The following CSMD1 variants were observed in gnomAD, a reference collection of about 807,000 sequenced individuals.
CSMD1 encodes the protein CUB and Sushi multiple domains 1.
A neutral mutation model predicts 417.5 loss-of-function variants in CSMD1; 213 were observed. The ratio of observed to expected loss-of-function variants is 0.51; its 90% CI spans 0.46 to 0.57. CSMD1 has a LOEUF of 0.57. Ranked by LOEUF, CSMD1 falls within the 20% of genes least tolerant of loss-of-function variation. CSMD1 has a pLI of 0.00. For synonymous variants in CSMD1, 2,862 were observed against 1,736.8 expected, an observed-to-expected ratio of 1.65 and a Z score of -16.11; for missense variants, 6,923 against 4,529.7, an observed-to-expected ratio of 1.53 and a Z score of -15.17.
intron 40 of CSMD1, among the ~76,000 whole-genome samples, chr8:3,149,946 G>A (rs1038309188): frequency 1.3e-5 from 2 of 152,118 alleles, no homozygotes; most frequent in Non-Finnish European, 2.9e-5. Flanking sequence ...CCTTAAGAGC[G>A]CTAGTGCTGT....
chr8:3,948,040 T>C (rs1393112213), intron 5 of CSMD1, among the ~76,000 whole-genome samples: 1 of 152,112 alleles, frequency 6.6e-6, no homozygotes. Context: ...ACCCCGTCTC[T>C]ACTAAAAATA....
chr8:3,571,408 T>C (rs912452602), intron 10 of CSMD1, among the ~76,000 whole-genome samples: 2 of 152,114 alleles, frequency 1.3e-5, no homozygotes, highest in Admixed American at 1.3e-4. Flanking sequence ...GGAGAACATA[T>C]ATTGTTCTGA....
intron 3 of CSMD1, among the ~76,000 whole-genome samples, chr8:4,093,965 A>AATAGATAGATACATAGATAGATAG (rs1554445798): frequency 1.5e-5 from 2 of 136,864 alleles, no homozygotes; most frequent in Non-Finnish European, 3.2e-5. Flanking sequence ...CTACATCTCA[A>AATAGATAGATACATAGATAGATAG]ATAGATAGAT....
At chr8:3,827,154 G>A (rs1364756038) in intron 5 of CSMD1, among the ~76,000 whole-genome samples, 1 of 152,088 alleles carries the variant, frequency 6.6e-6, no homozygotes, top group South Asian at 2.1e-4. Context: ...ACACAGTTTA[G>A]AACCTTAATG....
chr8:3,664,544 G>C (rs1055719856), intron 7 of CSMD1, among the ~76,000 whole-genome samples: 6 of 152,188 alleles, frequency 3.9e-5, no homozygotes, highest in Non-Finnish European at 5.9e-5. Flanking sequence ...TCAAGAGCGT[G>C]AGTGTTTCCT....
At chr8:4,984,700 C>A (rs1468933994) in intron 1 of CSMD1, among the ~76,000 whole-genome samples, 2 of 152,130 alleles carry the variant, frequency 1.3e-5, no homozygotes, top group African/African-American at 2.4e-5. Context: ...CTTGACTGGG[C>A]ACAAAGCACA....
intron 2 of CSMD1, among the ~76,000 whole-genome samples, chr8:4,440,101 A>C (rs1049234626): frequency 2.0e-5 from 3 of 152,186 alleles, no homozygotes; most frequent in Admixed American, 6.5e-5. Context: ...GATATTGGAA[A>C]AGAGGAACTC....
chr8:3,453,466 T>G (rs1815888039), intron 12 of CSMD1, among the ~76,000 whole-genome samples: 1 of 152,210 alleles, frequency 6.6e-6, no homozygotes, highest in Non-Finnish European at 1.5e-5. Flanking sequence ...TAAATTTCCC[T>G]CTACACACTG....
At chr8:4,146,655 A>G (rs999584501) in intron 3 of CSMD1, among the ~76,000 whole-genome samples, 3 of 108,440 alleles carry the variant, frequency 2.8e-5, no homozygotes, top group African/African-American at 3.8e-5. Flanking sequence ...TCCGTCCCCC[A>G]GGCTGGAGCG....
rs1444736506 is a variant in CSMD1 at position 4,662,022 on chromosome 8, C to G, written c.86-24464G>C. On this transcript the variant is annotated intron_variant, in intron 1 of 69. Coordinates refer to ENST00000635120, the MANE Select transcript of CSMD1 (RefSeq NM_033225.6). ...AGCAATGTTTGATGAACAATTATATCATGGACATACACAGGTCAATGATGT... is the reference window on the plus strand; with the variant it reads ...AGCAATGTTTGATGAACAATTATATGATGGACATACACAGGTCAATGATGT... 2.6e-5 allele frequency among the ~76,000 whole-genome samples: 4 copies of G among 152,040 alleles called. No homozygotes were observed. In the East Asian group the frequency reaches 7.7e-4, roughly 29 times the overall value.
rs1015596029 is a variant in CSMD1 at position 4,288,472 on chromosome 8, G to A, written c.415+131481C>T. 3.9e-5 allele frequency among the ~76,000 whole-genome samples: 6 copies of A among 152,164 alleles called. No homozygotes were observed. In the South Asian group the frequency reaches 6.2e-4, roughly 16 times the overall value. The stretch of plus-strand genomic sequence containing the variant: ...TAGCCATTTCTCCTGTACTGCTGAC[G>A]ATGAGGCTATGGGTAATCCCACTCT... On this transcript the variant is annotated intron_variant, in intron 3 of 69. Transcript: ENST00000635120.
At chr8:2,971,919 G>C (rs751953678) in intron 57 of CSMD1, among the ~76,000 whole-genome samples, 1 of 152,018 alleles carries the variant, frequency 6.6e-6, no homozygotes, top group Non-Finnish European at 1.5e-5. Flanking sequence ...GCAATTCAGA[G>C]TAAAAAATTA....
At chr8:3,827,959 C>T (rs964867270) in intron 5 of CSMD1, among the ~76,000 whole-genome samples, 3 of 152,150 alleles carry the variant, frequency 2.0e-5, no homozygotes, top group African/African-American at 4.8e-5. Context: ...CCTGACATTG[C>T]TAACCAAATA....
At chr8:3,115,107 G>A (rs1463905022) in intron 42 of CSMD1, among the ~76,000 whole-genome samples, 1 of 150,926 alleles carries the variant, frequency 6.6e-6, no homozygotes, top group Non-Finnish European at 1.5e-5. Flanking sequence ...AACTATATTT[G>A]TAAGTGTGAA....
intron 3 of CSMD1, among the ~76,000 whole-genome samples, chr8:4,066,082 A>G (rs1361256105): frequency 6.6e-6 from 1 of 152,216 alleles, no homozygotes; most frequent in Non-Finnish European, 1.5e-5. Context: ...CTCATTTACA[A>G]AACAATGAAA....
chr8:4,263,711 G>A (rs1322870378), intron 3 of CSMD1, among the ~76,000 whole-genome samples: 3 of 152,038 alleles, frequency 2.0e-5, no homozygotes, highest in Non-Finnish European at 2.9e-5. Context: ...GCATCTTACT[G>A]GCAACAATAA....
At chr8:4,107,070 T>C (rs1440573710) in intron 3 of CSMD1, among the ~76,000 whole-genome samples, 1 of 152,108 alleles carries the variant, frequency 6.6e-6, no homozygotes, top group African/African-American at 2.4e-5. Flanking sequence ...GGCATCCATG[T>C]CAACGACAAC....
intron 3 of CSMD1, among the ~76,000 whole-genome samples, chr8:4,089,183 T>G (rs1439489268): frequency 6.6e-6 from 1 of 152,174 alleles, no homozygotes; most frequent in Non-Finnish European, 1.5e-5. Context: ...ATGGTGACAA[T>G]CTGTTTGGCT....
chr8:4,512,428 G>C (rs1270037961), intron 2 of CSMD1, among the ~76,000 whole-genome samples: 3 of 152,050 alleles, frequency 2.0e-5, no homozygotes, highest in Non-Finnish European at 2.9e-5. Flanking sequence ...CGTAGCTAAT[G>C]CAATAAAGCA....
Sources: allele counts gnomAD v4.1 joint callset (sites outside exome capture counted in the v4.1 genomes callset), GRCh38; gene constraint gnomAD v4.1.1; transcripts MANE v1.5; gene names NCBI Gene and HGNC (gene_info 2026-07-23, HGNC 2026-07-21).